The following CCDC85A variants were observed in gnomAD, a reference collection of about 807,000 sequenced individuals.
The protein encoded by CCDC85A is coiled-coil domain-containing protein 85A.
In CCDC85A, 38 loss-of-function variants were observed where a neutral mutation model predicts 50.2. The ratio of observed to expected loss-of-function variants is 0.76; its 90% CI spans 0.58 to 0.99. CCDC85A has a LOEUF of 0.99. Among genes scored for constraint, CCDC85A ranks in the 50% least tolerant of loss-of-function variants. The pLI is 0.00. For missense variants in CCDC85A, 820 were observed against 742.0 expected, an observed-to-expected ratio of 1.11 and a Z score of -1.22; for synonymous variants, 366 against 301.4, an observed-to-expected ratio of 1.21 and a Z score of -2.22.
intron 2 of CCDC85A, among the ~76,000 whole-genome samples, chr2:56,335,018 GC>G (rs1674001186): frequency 6.6e-6 from 1 of 152,170 alleles, no homozygotes; most frequent in South Asian, 2.1e-4. Flanking sequence ...GGCAATTAAA[GC>G]CCCATTAAAA....
chr2:56,290,691 A>T (rs775971201), intron 2 of CCDC85A, among the ~76,000 whole-genome samples: 1 of 152,254 alleles, frequency 6.6e-6, no homozygotes, highest in Non-Finnish European at 1.5e-5. Context: ...TTCAAATTTT[A>T]TCACCAGCTT....
chr2:56,371,298 GA>G (rs1222390444), intron 3 of CCDC85A, among the ~76,000 whole-genome samples: 1 of 151,974 alleles, frequency 6.6e-6, no homozygotes, highest in Non-Finnish European at 1.5e-5. Flanking sequence ...CTTCACTTAA[GA>G]CCATGGTGCA....
chr2:56,326,055 A>G (rs1673454883), intron 2 of CCDC85A, among the ~76,000 whole-genome samples: 1 of 152,136 alleles, frequency 6.6e-6, no homozygotes, highest in African/African-American at 2.4e-5. Context: ...CTTGGTGCCG[A>G]TCAAATTCTT....
At chr2:56,295,353 C>A (rs1671898774) in intron 2 of CCDC85A, among the ~76,000 whole-genome samples, 1 of 152,112 alleles carries the variant, frequency 6.6e-6, no homozygotes, top group African/African-American at 2.4e-5. Flanking sequence ...ATCAAGGTTT[C>A]CATTGACTAA....
At chr2:56,355,427 G>T (rs1340732435) in intron 3 of CCDC85A, among the ~76,000 whole-genome samples, 1 of 152,104 alleles carries the variant, frequency 6.6e-6, no homozygotes, top group Non-Finnish European at 1.5e-5. Context: ...ACCTTTGGGA[G>T]AACTCTTTGT....
intron 2 of CCDC85A, among the ~76,000 whole-genome samples, chr2:56,251,737 T>C (rs78325157): frequency 6.6e-6 from 1 of 152,050 alleles, no homozygotes. Context: ...ATTTTTTTTT[T>C]GCCTTCTTGA....
At chr2:56,279,655 A>G (rs963400149) in intron 2 of CCDC85A, among the ~76,000 whole-genome samples, 3 of 152,138 alleles carry the variant, frequency 2.0e-5, no homozygotes, top group Admixed American at 6.5e-5. Context: ...GACTCCACAT[A>G]TGAGTGAGAT....
chr2:56,381,369 G>T (rs1011916812), intron 5 of CCDC85A, among the ~76,000 whole-genome samples: 6 of 152,052 alleles, frequency 3.9e-5, no homozygotes, highest in African/African-American at 1.4e-4. Context: ...GAGAGAGAAA[G>T]TTCAGACAAT....
At chr2:56,379,821 A>C in intron 5 of CCDC85A, 1 of 983,642 alleles carries the variant, frequency 1.0e-6, no homozygotes, top group Non-Finnish European at 1.2e-6. Context: ...GTGAGACAGA[A>C]AAAGCTATAG....
At chr2:56,206,822 G>A (rs762452962) in intron 2 of CCDC85A, among the ~76,000 whole-genome samples, 4 of 152,144 alleles carry the variant, frequency 2.6e-5, no homozygotes, top group Non-Finnish European at 4.4e-5. Context: ...GGTTTGTACC[G>A]TGATTTAATC....
intron 2 of CCDC85A, among the ~76,000 whole-genome samples, chr2:56,200,447 A>G (rs1213442814): frequency 6.6e-6 from 1 of 152,232 alleles, no homozygotes; most frequent in Non-Finnish European, 1.5e-5. Context: ...AGAGTAGACT[A>G]CGGGACACTT....
chr2:56,270,524 T>C (rs2104060536), intron 2 of CCDC85A, among the ~76,000 whole-genome samples: 1 of 152,336 alleles, frequency 6.6e-6, no homozygotes, highest in South Asian at 2.1e-4. Flanking sequence ...TGCTATATTA[T>C]GTAAATTACT....
Position 56,285,296 on chromosome 2 carries a change from G to A in CCDC85A, c.1241-57583G>A, listed in dbSNP as rs530782069. Among the ~76,000 whole-genome samples, 3 of 150,936 alleles carry A rather than the reference G, an allele frequency of 2.0e-5. No individual in the cohort carries two copies. The South Asian group carries it at 6.3e-4, about 31-fold the overall frequency. ...TTTTTGTGTTTTTCATAGAGATGGG[G>A]TTTCACCATGTTGGCCAGACTGATC... On this transcript the variant is annotated intron_variant, in intron 2 of 5. Transcript: ENST00000407595.
In CCDC85A at chr2:56,193,281, C is replaced by T; in HGVS notation, c.1081C>T (p.His361Tyr). The change falls in exon 2 of 6, where the codon CAC becomes TAC. Residue 361 changes from histidine (H) to tyrosine (Y), a missense_variant. Coordinates refer to ENST00000407595, the MANE Select transcript of CCDC85A (RefSeq NM_001080433.2). Reference protein sequence around the residue: ...LPRARGTSPEHLKQHYGGSPD... With the variant: ...LPRARGTSPEYLKQHYGGSPD... ...CAGAGCCAGGGGCACCAGCCCGGAG[C>T]ACCTCAAACAACATTATGGAGGGAG... 6.2e-7 allele frequency: 1 copy of T among 1,613,900 alleles called. No individual in the cohort carries two copies. The highest frequency in any genetic ancestry group is 2.2e-5 in the East Asian group (1 of 44,858).
chr2:56,258,641 T>A (rs1670088980), intron 2 of CCDC85A, among the ~76,000 whole-genome samples: 1 of 152,196 alleles, frequency 6.6e-6, no homozygotes, highest in Non-Finnish European at 1.5e-5. Flanking sequence ...GGAATATATC[T>A]GTGGCAGGGA....
chr2:56,365,241 A>T (rs1250276269), intron 3 of CCDC85A, among the ~76,000 whole-genome samples: 1 of 152,236 alleles, frequency 6.6e-6, no homozygotes, highest in African/African-American at 2.4e-5. Context: ...ATTATTTGGC[A>T]TAATAAATGA....
At position 56,271,247 on chromosome 2, in the gene CCDC85A, A is replaced by G. The variant is rs151290315; in HGVS notation, c.1241-71632A>G. Among the ~76,000 whole-genome samples the G allele has an allele frequency of 2.6e-5, 4 of 152,304 alleles. No homozygotes were observed. In the East Asian group the frequency reaches 7.7e-4, roughly 29 times the overall value. ...TTGGTCTTCAGTAGGGATCAGAATA[A>G]TTTGAGTAATGAATTGCCAGCGAAC... On this transcript the variant is annotated intron_variant, in intron 2 of 5. Transcript: ENST00000407595.
intron 2 of CCDC85A, among the ~76,000 whole-genome samples, chr2:56,292,579 A>T (rs1184542560): frequency 2.0e-5 from 3 of 152,164 alleles, no homozygotes; most frequent in African/African-American, 7.2e-5. Context: ...AAAATAAATT[A>T]GTTTTGCCTG....
At chr2:56,323,427 T>C (rs1673311279) in intron 2 of CCDC85A, among the ~76,000 whole-genome samples, 1 of 152,074 alleles carries the variant, frequency 6.6e-6, no homozygotes. Context: ...GAGGTTTTAT[T>C]TTCAAGATAA....
Sources: allele counts gnomAD v4.1 joint callset (sites outside exome capture counted in the v4.1 genomes callset), GRCh38; gene constraint gnomAD v4.1.1; transcripts MANE v1.5; gene names NCBI Gene and HGNC (gene_info 2026-07-23, HGNC 2026-07-21).